The following NTRK3 variants were observed in gnomAD, a reference collection of about 807,000 sequenced individuals.
The protein encoded by NTRK3 is NT-3 growth factor receptor.
In NTRK3, 24 loss-of-function variants were observed where a neutral mutation model predicts 91.7. That is an observed-to-expected ratio of 0.26 (90% CI 0.19 to 0.37). NTRK3 has a LOEUF of 0.37. Ranked by LOEUF, NTRK3 falls within the 10% of genes least tolerant of loss-of-function variation. The pLI, the probability that NTRK3 is intolerant of heterozygous loss-of-function variation, is 1.00. For missense variants in NTRK3, 880 were observed against 1,068.9 expected (o/e 0.82, Z 2.46); for synonymous variants, 483 against 404.0 (o/e 1.20, Z -2.34).
chr15:88,101,670 T>C (rs1597321949), intron 13 of NTRK3, among the ~76,000 whole-genome samples: 1 of 152,198 alleles, frequency 6.6e-6, no homozygotes, highest in African/African-American at 2.4e-5. Flanking sequence ...ATATACATCA[T>C]GGAATACTAT....
At chr15:88,217,795 G>T (rs2049916902) in intron 3 of NTRK3, among the ~76,000 whole-genome samples, 2 of 148,916 alleles carry the variant, frequency 1.3e-5, no homozygotes, top group Non-Finnish European at 1.5e-5. Context: ...GTCTCACTCT[G>T]TCGCCCAGGC....
At chr15:87,871,670 T>C (rs1050012223) in exon 19 of NTRK3, 30 of 228,478 alleles carry the variant, frequency 1.3e-4, no homozygotes, top group African/African-American at 6.4e-4. Flanking sequence ...GTAATCTTCC[T>C]GAATGTTTCT....
chr15:87,891,557 T>C (rs919211656), intron 17 of NTRK3, among the ~76,000 whole-genome samples: 4 of 152,184 alleles, frequency 2.6e-5, no homozygotes, highest in Admixed American at 6.5e-5. Flanking sequence ...ATCTTTCCAT[T>C]GTTTCTTACA....
intron 14 of NTRK3, among the ~76,000 whole-genome samples, chr15:87,967,245 T>C (rs557985790): frequency 3.3e-5 from 5 of 152,262 alleles, no homozygotes; most frequent in African/African-American, 1.2e-4. Context: ...CCCCGGGGTA[T>C]AAATGATGAA....
intron 17 of NTRK3, among the ~76,000 whole-genome samples, chr15:87,890,109 G>C (rs1156476171): frequency 6.6e-6 from 1 of 152,020 alleles, no homozygotes; most frequent in Non-Finnish European, 1.5e-5. Context: ...AGGAACACTT[G>C]ATGATACCTG....
At chr15:87,956,818 C>T (rs988814542) in intron 14 of NTRK3, among the ~76,000 whole-genome samples, 1 of 152,142 alleles carries the variant, frequency 6.6e-6, no homozygotes, top group Non-Finnish European at 1.5e-5. Flanking sequence ...GTGATCCACC[C>T]GCCTCAGCCT....
intron 13 of NTRK3, among the ~76,000 whole-genome samples, chr15:88,048,584 C>A (rs1445480839): frequency 5.3e-5 from 8 of 152,150 alleles, no homozygotes; most frequent in Admixed American, 5.2e-4. Flanking sequence ...CCACACCTCT[C>A]TTAACAAAGG....
intron 17 of NTRK3, among the ~76,000 whole-genome samples, chr15:87,895,068 A>G (rs1436328593): frequency 2.0e-5 from 3 of 152,170 alleles, no homozygotes; most frequent in Non-Finnish European, 4.4e-5. Flanking sequence ...CAAGTTTCTC[A>G]GAACCCAGGG....
At chr15:87,859,887 G>T in exon 19 of NTRK3, 1 of 183,392 alleles carries the variant, frequency 5.5e-6, no homozygotes, top group East Asian at 8.8e-5. Context: ...GAGAAAGACA[G>T]ACATATGACC....
chr15:87,952,989 A>G (rs1333764571), intron 14 of NTRK3, among the ~76,000 whole-genome samples: 4 of 152,158 alleles, frequency 2.6e-5, no homozygotes, highest in South Asian at 2.1e-4. Context: ...CGCAGCCAGC[A>G]GATTCGTTCC....
chr15:88,042,940 G>C (rs2079794801), intron 13 of NTRK3, among the ~76,000 whole-genome samples: 1 of 152,192 alleles, frequency 6.6e-6, no homozygotes, highest in East Asian at 1.9e-4. Flanking sequence ...CTCCAGTATT[G>C]TTTTTCTAAC....
intron 14 of NTRK3, among the ~76,000 whole-genome samples, 200 bp from the exon 15 acceptor site, chr15:87,940,953 A>G (rs1411230465): frequency 1.3e-5 from 2 of 152,184 alleles, no homozygotes; most frequent in Non-Finnish European, 2.9e-5. Flanking sequence ...TCAAATCTCA[A>G]TGCTGTCCCT....
intron 17 of NTRK3, among the ~76,000 whole-genome samples, chr15:87,892,633 C>T (rs1480452721): frequency 6.6e-6 from 1 of 151,926 alleles, no homozygotes; most frequent in Admixed American, 6.6e-5. Flanking sequence ...CCTTAATTTC[C>T]AATTTCTGTG....
chr15:87,894,854 A>C lies in NTRK3; in HGVS notation c.2134-14426T>G, dbSNP rs139327539. 2.8e-3 allele frequency among the ~76,000 whole-genome samples: 423 copies of C among 152,180 alleles called. 3 individuals are homozygous for C. The highest frequency in any genetic ancestry group is 9.8e-3 in the African/African-American group (405 of 41,514). On this transcript the variant is annotated intron_variant, in intron 17 of 18. Coordinates refer to ENST00000394480, the Ensembl canonical transcript of NTRK3. ...CTCTACTCTCTCCTCACTGTCTAAG[A>C]CTATTCTGAGTTGTGGATACTGGAC...
chr15:87,878,072 G>A (rs1426144666), intron 18 of NTRK3, among the ~76,000 whole-genome samples: 6 of 152,048 alleles, frequency 3.9e-5, no homozygotes, highest in Non-Finnish European at 8.8e-5. Flanking sequence ...CATTTTCAAG[G>A]CTTCATTGTC....
In NTRK3 at chr15:88,006,795, CAT is replaced by C. The variant is rs569135605; in HGVS notation, c.1585+26060_1585+26061del. Among the ~76,000 whole-genome samples, 11 of 152,328 alleles carry C rather than the reference CAT, an allele frequency of 7.2e-5. No individual in the cohort carries two copies. In the South Asian group the frequency reaches 2.3e-3, roughly 32 times the overall value. ...ACACAGCTGGGCTTCCAAATGCACA[CAT>C]GACATACAGACTCACACATGCACAG... On this transcript the variant is annotated intron_variant, in intron 14 of 18. Transcript: ENST00000394480.
At chr15:88,135,215 G>C (rs779791807) in exon 10 of NTRK3, 4 of 1,614,240 alleles carry the variant, frequency 2.5e-6, no homozygotes, top group Non-Finnish European at 3.4e-6. Context: ...TTGTTGAAGA[G>C]CAGGCAGCCC....
intron 15 of NTRK3, among the ~76,000 whole-genome samples, chr15:87,935,914 T>C (rs550657896): frequency 6.6e-6 from 1 of 152,346 alleles, no homozygotes. Context: ...CAAAGTGGGC[T>C]TTCCAGCTCT....
At chr15:88,212,045 CAAAG>C (rs2049293545) in intron 3 of NTRK3, among the ~76,000 whole-genome samples, 2 of 152,094 alleles carry the variant, frequency 1.3e-5, no homozygotes, top group Admixed American at 1.3e-4. Flanking sequence ...GTGAAGAATC[CAAAG>C]AAATAAAGGT....
Sources: allele counts gnomAD v4.1 joint callset (sites outside exome capture counted in the v4.1 genomes callset), GRCh38; gene constraint gnomAD v4.1.1; transcripts MANE v1.5; gene names NCBI Gene and HGNC (gene_info 2026-07-23, HGNC 2026-07-21).